The following G6PD variants were observed in gnomAD, a reference collection of about 807,000 sequenced individuals.
The protein encoded by G6PD is glucose-6-phosphate 1-dehydrogenase.
G6PD carries 2 observed loss-of-function variants against 38.2 expected under a neutral mutation model. The observed-to-expected ratio is 0.05, with a 90% CI of 0.02 to 0.16. The LOEUF is 0.16. Among genes scored for constraint, G6PD ranks in the 10% least tolerant of loss-of-function variants. G6PD has a pLI of 1.00. For synonymous variants in G6PD, 188 were observed against 196.0 expected (o/e 0.96, Z 0.34); for missense variants, 310 against 471.6 (o/e 0.66, Z 3.17).
At chrX:154,541,660 C>T (rs2070509794) in intron 2 of G6PD, among the ~76,000 whole-genome samples, 1 of 111,898 alleles carries the variant, frequency 8.9e-6, no homozygotes, top group South Asian at 3.7e-4. Context: ...TTGGGAGCTT[C>T]TCATCTTCCC....
chrX:154,535,492 G>T, intron 4 of G6PD, 107 bp from the exon 5 acceptor site: 2 of 740,447 alleles, frequency 2.7e-6, no homozygotes, highest in East Asian at 3.5e-5. Flanking sequence ...GAGGTCCAGG[G>T]AGGGTGCCCT....
At position 154,536,048 on chromosome X, in the gene G6PD, G is replaced by A. The variant is rs201838012; in HGVS notation, c.159-3C>T. The A allele has an allele frequency of 5.5e-5, 67 of 1,208,620 alleles. No homozygotes were observed. Among genetic ancestry groups the A allele is most frequent in the Non-Finnish European group, 6.3e-5 (56 of 893,343 alleles). On this transcript the variant is annotated splice_region_variant and splice_polypyrimidine_tract_variant and intron_variant, in intron 3 of 12. Transcript: ENST00000393562. ...GAAGGCCATCCCGGAACAGCCACCTGAGGGCAGGGCACAGCTGTAACCAGT... is the reference window on the plus strand; with the variant it reads ...GAAGGCCATCCCGGAACAGCCACCTAAGGGCAGGGCACAGCTGTAACCAGT...
At chrX:154,533,749 G>A (rs782070394) in intron 7 of G6PD, 80 bp from the exon 8 acceptor site, 28 of 1,192,775 alleles carry the variant, frequency 2.3e-5, no homozygotes, top group Non-Finnish European at 3.2e-5. Flanking sequence ...CCCCAAACAA[G>A]GCTTCCTAGT....
rs1557229614 is a variant in G6PD, at chrX:154,532,461, T to G, written c.1289A>C (p.Asn430Thr). 1 of 1,210,955 alleles carries G rather than the reference T, an allele frequency of 8.3e-7. No individual in the cohort carries two copies. Among genetic ancestry groups the G allele is most frequent in the Non-Finnish European group, 1.1e-6 (1 of 895,042 alleles). ...LDLTYGNRYKNVKLPDAYERL... is the reference protein window; with the variant it reads ...LDLTYGNRYKTVKLPDAYERL... ...CTCATAGGCGTCAGGGAGCTTCACGTTCTGTGAGGGAGAGAGTGTCTTGCT... is the reference window on the plus strand; with the variant it reads ...CTCATAGGCGTCAGGGAGCTTCACGGTCTGTGAGGGAGAGAGTGTCTTGCT... The change falls in exon 11 of 13, where the codon AAC (asparagine) becomes ACC (threonine). Residue 430 changes from asparagine (N) to threonine (T), a missense_variant and splice_region_variant. Around this residue, in one of 4 missense-constraint regions of G6PD, gnomAD observed 168 missense variants for 309.2 expected, o/e 0.54. Coordinates refer to ENST00000393562, the MANE Select transcript of G6PD (RefSeq NM_001360016.2).
rs1334473526 is a variant in G6PD, at chrX:154,532,811, C to T, written c.1052-9G>A. The T allele has an allele frequency of 5.0e-6, 6 of 1,205,771 alleles. No homozygotes were observed. The highest frequency in any genetic ancestry group is 1.8e-5 in the South Asian group (1 of 56,350). The stretch of plus-strand genomic sequence containing the variant: ...CAGGATGAAGGGCACCCCTACGTGG[C>T]GGAAAGGGCAGCCTCAGCACCAGCT... On this transcript the variant is annotated splice_polypyrimidine_tract_variant and intron_variant, in intron 9 of 12. Coordinates refer to ENST00000393562, the MANE Select transcript of G6PD (RefSeq NM_001360016.2).
Position 154,532,663 on chromosome X carries a change from G to A in G6PD, c.1191C>T (p.Asn397=), listed in dbSNP as rs781798712. 9.9e-6 allele frequency: 12 copies of A among 1,211,214 alleles called. No homozygotes were observed. The highest frequency in any genetic ancestry group is 8.9e-5 in the East Asian group (3 of 33,805). Residue 397 remains asparagine, a synonymous_variant, in exon 10 of 13, where the codon AAC becomes AAT. Transcript: ENST00000393562. Reference sequence around the variant, plus strand: ...TCATCATCTTGGTGTACACGGCCTCGTTGGGCTGCACGCGGATCACCAGCT... The same window carrying A: ...TCATCATCTTGGTGTACACGGCCTCATTGGGCTGCACGCGGATCACCAGCT... ...RNELVIRVQP[N]EAVYTKMMTK... is the part of the protein sequence containing the mutation.
intron 2 of G6PD, among the ~76,000 whole-genome samples, chrX:154,538,542 T>A (rs372152060): frequency 1.8e-5 from 2 of 111,932 alleles, no homozygotes; most frequent in East Asian, 5.6e-4. Flanking sequence ...CAGATGTAGA[T>A]CAAGTGTTTC....
intron 2 of G6PD, among the ~76,000 whole-genome samples, chrX:154,540,638 GAAA>G: frequency 1.6e-5 from 1 of 64,382 alleles, no homozygotes; most frequent in East Asian, 5.0e-4. Context: ...TCCATGTCAC[GAAA>G]AAAAAAAAAA....
intron 2 of G6PD, among the ~76,000 whole-genome samples, chrX:154,537,394 G>A (rs2070422378): frequency 8.9e-6 from 1 of 112,127 alleles, no homozygotes; most frequent in South Asian, 3.7e-4. Context: ...GAGGCGGATG[G>A]ATTACCTGAG....
rs957966566 is a variant in G6PD, at chrX:154,546,004, G to A, written c.120+32C>T. 1.1e-5 allele frequency: 13 copies of A among 1,206,330 alleles called. No individual in the cohort carries two copies. The Admixed American group carries it at 2.6e-4, about 24-fold the overall frequency. On this transcript the variant is annotated intron_variant, in intron 2 of 12. Transcript: ENST00000393562. The stretch of plus-strand genomic sequence containing the variant: ...TGAGGCATGGAGCAGGCACTTCCTG[G>A]CTTTTAAGATTGGGGCCTGGGAGAT...
At chrX:154,535,632 G>A in intron 4 of G6PD, 1 of 450,471 alleles carries the variant, frequency 2.2e-6, no homozygotes, top group Non-Finnish European at 3.9e-6. Flanking sequence ...CCTTAGGACA[G>A]AGGCCAGATT....
chrX:154,535,272 G>A lies in G6PD; in HGVS notation c.381C>T (p.Ala127=), dbSNP rs781997962. 3.4e-5 allele frequency: 41 copies of A among 1,210,432 alleles called. No homozygotes were observed. In the African/African-American group the frequency reaches 6.1e-4, roughly 18 times the overall value. ...GGTTGGCCTGTGACCCCAGGTGGAG[G>A]GCATTCATGTGGCTGTTGAGGCGCT... ...SYQRLNSHMN[A]LHLGSQANRL... Residue 127 remains alanine (A), a synonymous_variant, in exon 5 of 13, where the codon GCC becomes GCT. Coordinates refer to ENST00000393562, the MANE Select transcript of G6PD (RefSeq NM_001360016.2).
rs1166565982 is a variant in G6PD, at chrX:154,546,067, T to G, written c.89A>C (p.Asp30Ala). The G allele has an allele frequency of 8.3e-7, 1 of 1,209,618 alleles. No individual in the cohort carries two copies. Among genetic ancestry groups the G allele is most frequent in the Non-Finnish European group, 1.1e-6 (1 of 895,097 alleles). The change falls in exon 2 of 13, where the codon GAT (aspartate) becomes GCT (alanine). Residue 30 changes from aspartate to alanine, a missense_variant. Coordinates refer to ENST00000393562, the MANE Select transcript of G6PD (RefSeq NM_001360016.2). ...ACCCATGATGATGAATATGTGTGTA[T>G]CCGACTGATGGAAGGCATCGCCCTG... ...LFQGDAFHQS[D>A]THIFIIMGAS...
intron 1 of G6PD, 104 bp from the exon 2 acceptor site, chrX:154,546,267 C>T: frequency 9.5e-7 from 1 of 1,053,302 alleles, no homozygotes; most frequent in Admixed American, 2.2e-5. Flanking sequence ...AGGGTGACAC[C>T]TGATTGCCCA....
rs1282078643 is a variant in G6PD, at chrX:154,532,069, G to GTCTGCCTCCT, written c.1478_1479insAGGAGGCAGA (p.Asp493GlufsTer15). 8.3e-7 allele frequency: 1 copy of GTCTGCCTCCT among 1,208,271 alleles called. No homozygotes were observed. The highest frequency in any genetic ancestry group is 1.1e-6 in the Non-Finnish European group (1 of 894,611). On this transcript the variant is annotated frameshift_variant, in exon 13 of 13. Transcript: ENST00000393562. LOFTEE classifies it high-confidence loss of function. Reference sequence around the variant, plus strand: ...GGAAACCCACTCTCTTCATCAGCTCGTCTGCCTCCGTGGGGCCTCGGCTGG... The same window carrying GTCTGCCTCCT: ...GGAAACCCACTCTCTTCATCAGCTCGTCTGCCTCCTTCTGCCTCCGTGGGGCCTCGGCTGG...
intron 5 of G6PD, 145 bp downstream of exon 5, chrX:154,535,023 G>A: frequency 1.7e-6 from 1 of 601,475 alleles, no homozygotes; most frequent in Non-Finnish European, 2.8e-6. Context: ...GTGGAGCAAC[G>A]CTGCCACCTT....
intron 1 of G6PD, 57 bp from the exon 2 acceptor site, chrX:154,546,220 A>C: frequency 1.7e-6 from 2 of 1,197,804 alleles, no homozygotes; most frequent in African/African-American, 1.7e-5. Flanking sequence ...TTGAGAAGTT[A>C]GCCCCTTTCT....
chrX:154,534,168 G>A lies in G6PD; in HGVS notation c.645-8C>T, dbSNP rs782599047. On this transcript the variant is annotated splice_polypyrimidine_tract_variant and splice_region_variant and intron_variant, in intron 6 of 12. Transcript: ENST00000393562. ...AAGATCCTGTTGGCAAATCTGCAGG[G>A]AGGGGCAAGGTGGAGGAACTGACCT... 4 of 1,212,060 alleles carry A rather than the reference G, an allele frequency of 3.3e-6. No individual in the cohort carries two copies. The highest frequency in any genetic ancestry group is 3.0e-5 in the East Asian group (1 of 33,860).
At chrX:154,534,266 G>A (rs1557230282) in intron 6 of G6PD, 72 bp downstream of exon 6, 1 of 1,199,935 alleles carries the variant, frequency 8.3e-7, no homozygotes, top group African/African-American at 1.8e-5. Context: ...TCGTCCTCGG[G>A]GAGGCAGTGG....
Sources: allele counts gnomAD v4.1 joint callset (sites outside exome capture counted in the v4.1 genomes callset), GRCh38; gene constraint gnomAD v4.1.1; regional missense constraint gnomAD v4.1.1; transcripts MANE v1.5; gene names NCBI Gene and HGNC (gene_info 2026-07-23, HGNC 2026-07-21).